DHX29: variants seen among roughly 807,000 people sequenced by gnomAD.
DHX29 encodes the protein ATP-dependent RNA helicase DHX29.
In DHX29, 79 loss-of-function variants were observed where a neutral mutation model predicts 167.9. The ratio of observed to expected loss-of-function variants is 0.47; its 90% CI spans 0.39 to 0.57. The LOEUF (loss-of-function observed/expected upper bound fraction) is 0.57. DHX29 is among the 20% of genes least tolerant of loss of function. The probability of loss-of-function intolerance (pLI) is 0.00; values close to 1 mark genes in which losing one functional copy is unlikely to be tolerated. For missense variants in DHX29, 1,347 were observed against 1,593.4 expected (o/e 0.85, Z 2.63); for synonymous variants, 530 against 546.0 (o/e 0.97, Z 0.41).
intron 5 of DHX29, 30 bp from the exon 6 acceptor site, chr5:55,294,175 C>T: frequency 4.5e-6 from 7 of 1,550,124 alleles, no homozygotes; most frequent in Non-Finnish European, 6.1e-6. Flanking sequence ...ATCTGAAAAA[C>T]CAAAGTTAGA....
chr5:55,285,873 A>C lies in DHX29; in HGVS notation c.1067-12T>G, dbSNP rs1747695017. On this transcript the variant is annotated splice_polypyrimidine_tract_variant and intron_variant, in intron 8 of 26. Transcript: ENST00000251636. ...TTCTTTCTTTTTATCTAAAATGGTA[A>C]ACAAAGATTGGTTCTTTAAAAATGG... is the stretch of plus-strand genomic sequence containing the variant. The C allele has an allele frequency of 6.5e-7, 1 of 1,538,526 alleles. No individual in the cohort carries two copies. Among genetic ancestry groups the C allele is most frequent in the Non-Finnish European group, 8.8e-7 (1 of 1,134,712 alleles).
chr5:55,277,398 A>C, intron 12 of DHX29, 116 bp from the exon 13 acceptor site: 1 of 617,974 alleles, frequency 1.6e-6, no homozygotes, highest in East Asian at 2.8e-5. Context: ...AAGTACAGTC[A>C]GTACATGTGC....
chr5:55,285,749 C>T lies in DHX29; in HGVS notation c.1179G>A (p.Lys393=). The change falls in exon 9 of 27, where the codon AAG becomes AAA. Residue 393 remains lysine (K), a synonymous_variant. Coordinates refer to ENST00000251636, the MANE Select transcript of DHX29 (RefSeq NM_019030.4). ...CTTTTTCAAAGGAAGGATTTGGACT[C>T]TTGGGAAGATTCTTCCTGACCCAAT... ...LIDWVRKNLP[K]SPNPSFEKVP... The T allele has an allele frequency of 6.2e-7, 1 of 1,604,030 alleles. No individual in the cohort carries two copies. The highest frequency in any genetic ancestry group is 8.5e-7 in the Non-Finnish European group (1 of 1,173,188).
At chr5:55,278,614 G>C (rs1371645884) in intron 12 of DHX29, among the ~76,000 whole-genome samples, 1 of 152,180 alleles carries the variant, frequency 6.6e-6, no homozygotes, top group African/African-American at 2.4e-5. Context: ...ATACTGTATA[G>C]GATGGTTTGA....
intron 25 of DHX29, among the ~76,000 whole-genome samples, chr5:55,260,358 A>G (rs903562692): frequency 6.6e-6 from 1 of 151,784 alleles, no homozygotes; most frequent in African/African-American, 2.4e-5. Flanking sequence ...CAGCCTCCGG[A>G]GTAGCTGGGA....
chr5:55,306,797 G>A (rs747249202), intron 1 of DHX29, among the ~76,000 whole-genome samples: 1 of 152,172 alleles, frequency 6.6e-6, no homozygotes, highest in Non-Finnish European at 1.5e-5. Context: ...GCAGGAATCG[G>A]CCATCTATAA....
intron 1 of DHX29, among the ~76,000 whole-genome samples, chr5:55,304,241 C>T (rs986557668): frequency 6.6e-6 from 1 of 151,960 alleles, no homozygotes; most frequent in African/African-American, 2.4e-5. Context: ...TTCCCTCTCC[C>T]CAGGAGACTC....
chr5:55,298,768 C>T (rs566209675), intron 1 of DHX29, 104 bp from the exon 2 acceptor site: 88 of 512,754 alleles, frequency 1.7e-4, no homozygotes, highest in Non-Finnish European at 2.9e-4. Flanking sequence ...CGGTGGCTCA[C>T]GCCTGTAATC....
chr5:55,278,142 C>T (rs776888693), intron 12 of DHX29, among the ~76,000 whole-genome samples: 11 of 152,034 alleles, frequency 7.2e-5, no homozygotes, highest in Non-Finnish European at 1.5e-4. Context: ...GGGAAGAGCA[C>T]GGATGAGGTA....
chr5:55,302,251 A>G (rs1321663139), intron 1 of DHX29, among the ~76,000 whole-genome samples: 1 of 152,180 alleles, frequency 6.6e-6, no homozygotes, highest in Non-Finnish European at 1.5e-5. Flanking sequence ...GCTTGTGCAC[A>G]AATTTAGCAT....
intron 21 of DHX29, among the ~76,000 whole-genome samples, chr5:55,268,823 GAA>G (rs943387224): frequency 2.6e-5 from 4 of 151,946 alleles, no homozygotes; most frequent in Admixed American, 1.3e-4. Context: ...AAAAAGGAAA[GAA>G]AAAAAGTTTT....
chr5:55,266,902 A>C (rs970390107), intron 23 of DHX29, among the ~76,000 whole-genome samples: 72 of 152,350 alleles, frequency 4.7e-4, no homozygotes, highest in African/African-American at 1.7e-3. Context: ...GGAATGAGCC[A>C]GTCTTTTTAA....
chr5:55,274,562 A>G, intron 16 of DHX29, 52 bp downstream of exon 16: 1 of 1,352,618 alleles, frequency 7.4e-7, no homozygotes, highest in Non-Finnish European at 1.0e-6. Flanking sequence ...TAATGTACCA[A>G]ATATTTTCCT....
chr5:55,300,646 C>T (rs1371043235), intron 1 of DHX29, among the ~76,000 whole-genome samples: 1 of 152,150 alleles, frequency 6.6e-6, no homozygotes, highest in African/African-American at 2.4e-5. Context: ...GCACTCTGGC[C>T]TGGGAGACAG....
intron 3 of DHX29, 69 bp from the exon 4 acceptor site, chr5:55,296,418 T>C: frequency 6.8e-7 from 1 of 1,474,166 alleles, no homozygotes; most frequent in Non-Finnish European, 9.0e-7. Flanking sequence ...AATTATCCCA[T>C]TCATTTTAAA....
intron 6 of DHX29, among the ~76,000 whole-genome samples, chr5:55,293,222 A>G (rs1748139548): frequency 1.3e-5 from 2 of 152,336 alleles, no homozygotes; most frequent in East Asian, 3.9e-4. Context: ...GCCTAATATA[A>G]ATAAAGCTGC....
rs757511537 is a variant in DHX29 at position 55,267,774 on chromosome 5, T to C, written c.3343A>G (p.Ile1115Val). 3.5e-5 allele frequency: 56 copies of C among 1,608,796 alleles called. No homozygotes were observed. The highest frequency in any genetic ancestry group is 5.4e-5 in the African/African-American group (4 of 74,758). ...MTEKSPFTTP[I>V]GRKDEADLAK... ...AGATCTGCTTCATCTTTTCGACCAA[T>C]TGGTGTGGTAAAAGGAGACTTCTCT... The change falls in exon 22 of 27, where the codon ATT becomes GTT. Residue 1115 changes from isoleucine to valine, a missense_variant. Physicochemically the swap from Ile to Val is conservative, Grantham distance 29. Transcript: ENST00000251636.
intron 1 of DHX29, among the ~76,000 whole-genome samples, chr5:55,302,496 T>C (rs1413630911): frequency 2.0e-5 from 3 of 151,322 alleles, no homozygotes; most frequent in African/African-American, 7.3e-5. Context: ...GGCTTGTGCC[T>C]GTAATCCCAG....
rs770198684 is a variant in DHX29 at position 55,297,260 on chromosome 5, G to A, written c.375+25C>T. On this transcript the variant is annotated intron_variant, in intron 3 of 26. Coordinates refer to ENST00000251636, the MANE Select transcript of DHX29 (RefSeq NM_019030.4). ...CTAAAAATGCTTCACTAAAACTAAG[G>A]AACTTTAAAAAGTTTGCAAAATACC... is the stretch of plus-strand genomic sequence containing the variant. The A allele has an allele frequency of 1.5e-5, 16 of 1,101,130 alleles. No individual in the cohort carries two copies. In the Admixed American group the frequency reaches 1.9e-4, roughly 13 times the overall value. The allele number at this position is 1,101,130 out of a possible 1,614,324, so 68.2% of individuals were successfully genotyped here.
Sources: allele counts gnomAD v4.1 joint callset (sites outside exome capture counted in the v4.1 genomes callset), GRCh38; gene constraint gnomAD v4.1.1; transcripts MANE v1.5; gene names NCBI Gene and HGNC (gene_info 2026-07-23, HGNC 2026-07-21).